The following SYT12 variants were observed in gnomAD, a reference collection of about 807,000 sequenced individuals.
The protein encoded by SYT12 is synaptotagmin 12, also known as synaptotagmin-12.
A neutral mutation model predicts 39.5 loss-of-function variants in SYT12; 27 were observed. The observed-to-expected ratio is 0.68, with a 90% CI of 0.50 to 0.94. The LOEUF (loss-of-function observed/expected upper bound fraction) is 0.94, where lower values mean the gene tolerates loss of function less well. Among genes scored for constraint, SYT12 ranks in the 40% least tolerant of loss-of-function variants. SYT12 has a pLI of 0.00. For synonymous variants in SYT12, 233 were observed against 239.7 expected (o/e 0.97, Z 0.26); for missense variants, 536 against 572.6 (o/e 0.94, Z 0.65).
Position 67,040,625 on chromosome 11 carries a change from G to A in SYT12, c.621+422G>A, listed in dbSNP as rs1172048428. On this transcript the variant is annotated intron_variant, in intron 4 of 7. Coordinates refer to ENST00000527043, the MANE Select transcript of SYT12 (RefSeq NM_177963.4). ...GAGGCCGAGGCGGGCAGATCATGAGGTCAGGAGATCGAGACCATCCTGCCT... is the reference window on the plus strand; with the variant it reads ...GAGGCCGAGGCGGGCAGATCATGAGATCAGGAGATCGAGACCATCCTGCCT... 2.7e-5 allele frequency among the ~76,000 whole-genome samples: 4 copies of A among 150,294 alleles called. No homozygotes were observed. The East Asian group carries it at 8.0e-4, about 30-fold the overall frequency.
At chr11:67,033,965 T>G (rs1950316082) in intron 2 of SYT12, among the ~76,000 whole-genome samples, 1 of 152,166 alleles carries the variant, frequency 6.6e-6, no homozygotes, top group Admixed American at 6.6e-5. Flanking sequence ...AGCAAAAGCC[T>G]CTGAGCATCT....
chr11:67,044,796 G>A, intron 6 of SYT12, 83 bp downstream of exon 6: 1 of 1,576,488 alleles, frequency 6.3e-7, no homozygotes, highest in Non-Finnish European at 8.6e-7. Context: ...GCACCCGGAG[G>A]CATCGGCAGG....
At chr11:67,028,248 C>T (rs1013342363) in intron 1 of SYT12, 8 of 152,146 alleles carry the variant, frequency 5.3e-5, no homozygotes, top group East Asian at 1.9e-4. Flanking sequence ...AAGAAGGGCT[C>T]GACAAGGTTC....
At chr11:67,019,638 C>T (rs1465538095), upstream of SYT12, among the ~76,000 whole-genome samples, 1 of 151,782 alleles carries the variant, frequency 6.6e-6, no homozygotes, top group Admixed American at 6.6e-5. Context: ...ACAGCCAAAC[C>T]ATATCACCAA....
chr11:67,034,524 G>A, intron 2 of SYT12, 121 bp from the exon 3 acceptor site: 1 of 814,132 alleles, frequency 1.2e-6, no homozygotes, highest in South Asian at 2.1e-5. Context: ...GGGATCTCCA[G>A]CACCTAGCAC....
chr11:67,043,498 C>T (rs1395578829), intron 4 of SYT12, 140 bp from the exon 5 acceptor site: 1 of 790,550 alleles, frequency 1.3e-6, no homozygotes, highest in Non-Finnish European at 2.0e-6. Context: ...GCTGAGCCAC[C>T]AAAGGAAAGA....
chr11:67,038,145 C>CTATTTATTTATTTATT lies in SYT12; in HGVS notation c.229-1644_229-1629dup, dbSNP rs34884260. Among the ~76,000 whole-genome samples the CTATTTATTTATTTATT allele has an allele frequency of 5.4e-5, 8 of 147,934 alleles. No individual in the cohort carries two copies. In the East Asian group the frequency reaches 9.8e-4, roughly 18 times the overall value. ...CAAGGTCAATTTAGGGAAAATAAAA[C>CTATTTATTTATTTATT]TATTTATTTATTTATTTATTTATTT... On this transcript the variant is annotated intron_variant, in intron 3 of 7. Coordinates refer to ENST00000527043, the MANE Select transcript of SYT12 (RefSeq NM_177963.4).
intron 3 of SYT12, among the ~76,000 whole-genome samples, chr11:67,036,631 G>A (rs1950385786): frequency 6.6e-6 from 1 of 152,070 alleles, no homozygotes; most frequent in Admixed American, 6.6e-5. Flanking sequence ...TTGGGGGAAT[G>A]TAAATTTGAA....
chr11:67,035,603 A>T (rs567146999), intron 3 of SYT12, among the ~76,000 whole-genome samples: 2 of 146,312 alleles, frequency 1.4e-5, no homozygotes, highest in East Asian at 2.1e-4. Context: ...GACTACAGGC[A>T]CCCGCCACCA....
At chr11:67,014,420 G>A (rs1950036890) in intron 3 of SYT12, among the ~76,000 whole-genome samples, 1 of 152,234 alleles carries the variant, frequency 6.6e-6, no homozygotes, top group South Asian at 2.1e-4. Flanking sequence ...GGGTAGCTGA[G>A]TATGAGGGCG....
intron 7 of SYT12, 93 bp from the exon 8 acceptor site, chr11:67,048,484 GCACCCCA>G (rs1261956138): frequency 7.6e-7 from 1 of 1,315,866 alleles, no homozygotes; most frequent in East Asian, 2.4e-5. Context: ...GCTGTGCCTG[GCACCCCA>G]CTGGGGCCTG....
At chr11:67,028,418 G>T (rs1450506062) in intron 1 of SYT12, 1 of 152,164 alleles carries the variant, frequency 6.6e-6, no homozygotes, top group East Asian at 1.9e-4. Context: ...TGGAAGCCAG[G>T]AGCTGGCTGT....
At chr11:67,029,924 C>A in intron 1 of SYT12, 198 bp from the exon 2 acceptor site, 1 of 524,264 alleles carries the variant, frequency 1.9e-6, no homozygotes, top group South Asian at 3.0e-5. Flanking sequence ...ATCTGGCAAT[C>A]CTGAGAAGAG....
At chr11:67,042,779 C>T (rs2049235588) in intron 4 of SYT12, among the ~76,000 whole-genome samples, 1 of 152,150 alleles carries the variant, frequency 6.6e-6, no homozygotes, top group African/African-American at 2.4e-5. Flanking sequence ...GCAAGGAGCC[C>T]TTCAAGAGCA....
chr11:67,016,190 A>G (rs1216087433), intron 3 of SYT12, among the ~76,000 whole-genome samples: 1 of 152,206 alleles, frequency 6.6e-6, no homozygotes, highest in East Asian at 1.9e-4. Flanking sequence ...CTGAGGCATG[A>G]GAATAGCTTG....
chr11:67,021,947 C>CT (rs1950114078), upstream of SYT12: 1 of 127,744 alleles, frequency 7.8e-6, no homozygotes, highest in Non-Finnish European at 1.6e-5. Context: ...TTTTCTTTTT[C>CT]TTTTCTTTTT....
chr11:67,017,912 A>G (rs1335830727), intron 3 of SYT12, among the ~76,000 whole-genome samples: 4 of 151,958 alleles, frequency 2.6e-5, no homozygotes, highest in African/African-American at 4.8e-5. Context: ...GTAAGCTGAG[A>G]TCACACCATT....
intron 5 of SYT12, 130 bp from the exon 6 acceptor site, chr11:67,044,463 A>C: frequency 7.8e-7 from 1 of 1,284,096 alleles, no homozygotes; most frequent in Non-Finnish European, 1.0e-6. Flanking sequence ...GCCCTGTGGT[A>C]AGGGGCCCCC....
rs1950572962 is a variant in SYT12 at position 67,044,507 on chromosome 11, C to T, written c.838-86C>T. On this transcript the variant is annotated intron_variant, in intron 5 of 7. Coordinates refer to ENST00000527043, the MANE Select transcript of SYT12 (RefSeq NM_177963.4). ...CACTTCTCTATGGAGAAGGAAGCCC[C>T]AGCCTTTCCCTGGCAACCAAGGCTT... The T allele has an allele frequency of 3.3e-6, 5 of 1,536,530 alleles. No individual in the cohort carries two copies. The East Asian group carries it at 1.1e-4, about 35-fold the overall frequency.
Sources: gnomAD v4.1 joint callset for allele counts (sites outside exome capture counted in the v4.1 genomes callset) on GRCh38, gnomAD v4.1.1 for gene constraint, MANE v1.5 for transcripts, NCBI Gene and HGNC (gene_info 2026-07-23, HGNC 2026-07-21) for gene names.